The following ZNF318 variants were observed in gnomAD, a reference collection of about 807,000 sequenced individuals.
ZNF318 encodes the protein zinc finger protein 318, also known as endocrine regulator.
Under a neutral mutation model 124.2 loss-of-function variants are expected in ZNF318, and 51 were observed. That is an observed-to-expected ratio of 0.41 (90% CI 0.33 to 0.52). The LOEUF (loss-of-function observed/expected upper bound fraction) is 0.52. Among genes scored for constraint, ZNF318 ranks in the 20% least tolerant of loss-of-function variants. ZNF318 has a pLI of 0.23. For missense variants in ZNF318, 2,815 were observed against 2,811.2 expected, an observed-to-expected ratio of 1.00 and a Z score of -0.03; for synonymous variants, 1,090 against 1,040.7, an observed-to-expected ratio of 1.05 and a Z score of -0.91.
At chr6:43,351,811 TGA>T (rs921283986) in intron 5 of ZNF318, among the ~76,000 whole-genome samples, 6 of 149,884 alleles carry the variant, frequency 4.0e-5, no homozygotes, top group African/African-American at 1.2e-4. Context: ...ACACACAAAT[TGA>T]GAGAGAGAAA....
chr6:43,357,859 A>C (rs1263756040), intron 2 of ZNF318, 94 bp from the exon 3 acceptor site: 2 of 1,178,646 alleles, frequency 1.7e-6, no homozygotes, highest in Non-Finnish European at 2.4e-6. Context: ...GGGGGCTATA[A>C]AATGCTTAGG....
Position 43,368,625 on chromosome 6 carries a change from G to A in ZNF318, c.399+342C>T, listed in dbSNP as rs139126139. 258 of 971,296 alleles carry A rather than the reference G, an allele frequency of 2.7e-4. 5 individuals carry two copies. In the East Asian group the frequency reaches 0.023, roughly 86 times the overall value. 60.2% of individuals were successfully genotyped at this position (971,296 alleles called of 1,614,324 possible). A position where few individuals can be genotyped will look rare whatever the true frequency, so the allele number is the denominator to read the frequency against. ...AAGGGGATGAAAAGTACGGAACCCCGAGGACACATCAACTCTACAAAAAGT... is the reference window on the plus strand; with the variant it reads ...AAGGGGATGAAAAGTACGGAACCCCAAGGACACATCAACTCTACAAAAAGT... On this transcript the variant is annotated intron_variant, in intron 1 of 9. Transcript: ENST00000361428.
At position 43,340,348 on chromosome 6, in the gene ZNF318, G is replaced by T; in HGVS notation, c.3650C>A (p.Ala1217Glu). 6.2e-7 allele frequency: 1 copy of T among 1,613,936 alleles called. No homozygotes were observed. Among genetic ancestry groups the T allele is most frequent in the Non-Finnish European group, 8.5e-7 (1 of 1,180,014 alleles). ...CTCCTTTACTTCTTTCACAGCCTTTGCCTTTTTTTCTTTCTTCTCCTCCTT... is the reference window on the plus strand; with the variant it reads ...CTCCTTTACTTCTTTCACAGCCTTTTCCTTTTTTTCTTTCTTCTCCTCCTT... ...KPKEEKKEKK[A>E]KAVKEVKEDD... Residue 1217 changes from alanine (A) to glutamate (E), a missense_variant, in exon 10 of 10, where the codon GCA becomes GAA. Physicochemically the swap from Ala to Glu is moderately radical, Grantham distance 107. Coordinates refer to ENST00000361428, the MANE Select transcript of ZNF318 (RefSeq NM_014345.3).
intron 2 of ZNF318, among the ~76,000 whole-genome samples, chr6:43,360,528 A>G (rs764553526): frequency 1.3e-5 from 2 of 152,238 alleles, no homozygotes; most frequent in Non-Finnish European, 2.9e-5. Context: ...GAGTTAGGTA[A>G]TAAGGACATG....
chr6:43,338,982 G>A lies in ZNF318; in HGVS notation c.5016C>T (p.Gly1672=), dbSNP rs112872121. The A allele has an allele frequency of 1.2e-6, 2 of 1,614,186 alleles. No individual in the cohort carries two copies. The highest frequency in any genetic ancestry group is 2.7e-5 in the African/African-American group (2 of 75,052). ...VGPKSTGSTY[G]FLQPLTRLCQ... is the part of the protein sequence containing the mutation. ...ACAACCTTGTCAGAGGCTGTAGGAA[G>A]CCATAGGTGCTGCCTGTGCTTTTTG... is the stretch of plus-strand genomic sequence containing the variant. The change falls in exon 10 of 10, where the codon GGC becomes GGT. Residue 1672 remains glycine, a synonymous_variant. Transcript: ENST00000361428.
chr6:43,361,425 G>C (rs895046880), intron 2 of ZNF318, among the ~76,000 whole-genome samples: 5 of 152,178 alleles, frequency 3.3e-5, no homozygotes, highest in African/African-American at 1.2e-4. Flanking sequence ...AATTCACCAG[G>C]TGTGGCAGTG....
intron 2 of ZNF318, among the ~76,000 whole-genome samples, chr6:43,359,442 TAGAAA>T (rs1779652607): frequency 6.6e-6 from 1 of 152,170 alleles, no homozygotes; most frequent in South Asian, 2.1e-4. Context: ...AAATCACAGA[TAGAAA>T]TAAAGATCCT....
chr6:43,365,916 C>G (rs1189045355), intron 1 of ZNF318, among the ~76,000 whole-genome samples: 1 of 152,176 alleles, frequency 6.6e-6, no homozygotes. Flanking sequence ...ACCTCTAACT[C>G]TCCTAAACGG....
rs140889600 is a variant in ZNF318 at position 43,337,851 on chromosome 6, T to C, written c.6147A>G (p.Val2049=). The change falls in exon 10 of 10, where the codon GTA becomes GTG. Residue 2049 remains valine, a synonymous_variant. Transcript: ENST00000361428. The stretch of plus-strand genomic sequence containing the variant: ...CGGAGGAATTACACCCTATAGGTGA[T>C]ACAGAATTTTCTTCACACACTTTCT... The part of the protein sequence containing the change: ...LCQKVCEENS[V]SPIGCNSSDP... 56 of 1,614,216 alleles carry C rather than the reference T, an allele frequency of 3.5e-5. No individual in the cohort carries two copies. The African/African-American group carries it at 6.7e-4, about 19-fold the overall frequency.
chr6:43,354,677 G>C lies in ZNF318; in HGVS notation c.2657C>G (p.Ser886Cys). 1.9e-6 allele frequency: 3 copies of C among 1,602,642 alleles called. 1 individual carries two copies. The highest frequency in any genetic ancestry group is 4.0e-4 in the Middle Eastern group (2 of 5,044). ...GCTAATATTCACCTTTTGCTTCTGG[G>C]AAGCACGGTTCTTCTCATCAGAGAT... ...EKISDEKNRA[S>C]QKQKVIEERE... Residue 886 changes from serine (S) to cysteine (C), a missense_variant, in exon 4 of 10, where the codon TCC (serine) becomes TGC (cysteine). By Grantham distance (112) the Ser-to-Cys change is moderately radical (BLOSUM62 -1). Coordinates refer to ENST00000361428, the MANE Select transcript of ZNF318 (RefSeq NM_014345.3).
intron 6 of ZNF318, among the ~76,000 whole-genome samples, chr6:43,346,152 G>A (rs555396987): frequency 1.9e-4 from 23 of 124,318 alleles, no homozygotes; most frequent in Middle Eastern, 5.7e-3. Flanking sequence ...CGAAGATCAC[G>A]CCACACGCCA....
chr6:43,369,539 CGCGCCCCCGCGGCTGGCGGTTGGAGG>C lies in ZNF318; in HGVS notation c.-200_-175del, dbSNP rs1779810562. The C allele has an allele frequency of 3.6e-6, 1 of 274,084 alleles. No homozygotes were observed. Among genetic ancestry groups the C allele is most frequent in the Admixed American group, 6.5e-5 (1 of 15,374 alleles). 17.0% of individuals were successfully genotyped at this position (274,084 alleles called of 1,614,324 possible). A position where few individuals can be genotyped will look rare whatever the true frequency, so the allele number is the denominator to read the frequency against. Reference sequence around the variant, plus strand: ...GCGTCGCCCCGGGGGCCCGGCCGAGCGCGCCCCCGCGGCTGGCGGTTGGAGGGCGCGAGCACGCGTCCGACACACCC... The same window carrying C: ...GCGTCGCCCCGGGGGCCCGGCCGAGCGCGCGAGCACGCGTCCGACACACCC... On this transcript the variant is annotated 5_prime_UTR_variant, in exon 1 of 10. Transcript: ENST00000361428.
In ZNF318 at chr6:43,355,251, G is replaced by A. The variant is rs756414459; in HGVS notation, c.2083C>T (p.His695Tyr). The change falls in exon 4 of 10, where the codon CAC becomes TAC. Residue 695 changes from histidine (H) to tyrosine (Y), a missense_variant. Physicochemically the swap from His to Tyr is moderately conservative, Grantham distance 83. This residue lies in a region of ZNF318 where 1,377 missense variants were observed against 1,353.5 expected (regional missense o/e 1.02). Coordinates refer to ENST00000361428, the MANE Select transcript of ZNF318 (RefSeq NM_014345.3). ...NTHSPEVSHP[H>Y]PPSPVDPYLL... ...TAAGGATCCACAGGAGAAGGTGGGT[G>A]TGGATGGGACACCTCTGGAGAGTGG... 3.1e-6 allele frequency: 5 copies of A among 1,614,222 alleles called. No individual in the cohort carries two copies. The highest frequency in any genetic ancestry group is 3.4e-6 in the Non-Finnish European group (4 of 1,180,030).
At chr6:43,356,167 AT>A (rs754036221) in intron 3 of ZNF318, 22 bp from the exon 4 acceptor site, 2 of 1,594,082 alleles carry the variant, frequency 1.3e-6, no homozygotes, top group Non-Finnish European at 1.7e-6. Flanking sequence ...AACACAACTG[AT>A]TTAGTCTTAT....
Position 43,338,329 on chromosome 6 carries a change from G to C in ZNF318, c.5669C>G (p.Pro1890Arg). ...PQDTPVKISA[P>R]ELLLHSPARS... ...GGCTGGGGAATGAAGCAGCAACTCT[G>C]GGGCAGAAATTTTCACAGGTGTATC... Residue 1890 changes from proline to arginine, a missense_variant, in exon 10 of 10, where the codon CCA becomes CGA. Pro to Arg is a moderately radical substitution (Grantham distance 103, BLOSUM62 -2). Around this residue, in one of 4 missense-constraint regions of ZNF318, gnomAD observed 927 missense variants for 820.6 expected, o/e 1.13. Transcript: ENST00000361428. 1 of 1,614,142 alleles carries C rather than the reference G, an allele frequency of 6.2e-7. No individual in the cohort carries two copies. The highest frequency in any genetic ancestry group is 8.5e-7 in the Non-Finnish European group (1 of 1,180,018).
chr6:43,339,592 G>T lies in ZNF318; in HGVS notation c.4406C>A (p.Ala1469Glu). ...TTTTACTGGAGCCAAGATAGCATTT[G>T]CTTGAGCAGCAGACGGGGCAGCTGG... ...PHPAAPSAAQ[A>E]NAILAPVKSN... The change falls in exon 10 of 10, where the codon GCA (alanine) becomes GAA (glutamate). Residue 1469 changes from alanine (A) to glutamate (E), a missense_variant. Ala to Glu is a moderately radical substitution (Grantham distance 107, BLOSUM62 -1). This residue lies in a region of ZNF318 where 500 missense variants were observed against 605.2 expected (regional missense o/e 0.83). Transcript: ENST00000361428. The surrounding 1 kb of genome is among the most constrained non-coding windows in gnomAD (Gnocchi z 4.2). 6.2e-7 allele frequency: 1 copy of T among 1,612,886 alleles called. No homozygotes were observed. The highest frequency in any genetic ancestry group is 8.5e-7 in the Non-Finnish European group (1 of 1,179,752).
chr6:43,349,785 T>C (rs970109513), intron 5 of ZNF318, among the ~76,000 whole-genome samples: 1 of 152,100 alleles, frequency 6.6e-6, no homozygotes, highest in African/African-American at 2.4e-5. Flanking sequence ...TGTGTGTGTG[T>C]GCCAAATTTA....
chr6:43,351,382 T>C (rs1001944640), intron 5 of ZNF318, among the ~76,000 whole-genome samples: 1 of 152,192 alleles, frequency 6.6e-6, no homozygotes, highest in Admixed American at 6.5e-5. Flanking sequence ...TTGATAAGTG[T>C]ATTAAAGTTA....
rs780458428 is a variant in ZNF318, at chr6:43,340,080, G to C, written c.3918C>G (p.Asp1306Glu). The part of the protein sequence containing the change: ...SKEEILESSK[D>E]KEDGKTEAGK... Reference sequence around the variant, plus strand: ...CAGCTTCAGTTTTGCCATCCTCTTTGTCCTTACTACTTTCTAGAATCTCTT... The same window carrying C: ...CAGCTTCAGTTTTGCCATCCTCTTTCTCCTTACTACTTTCTAGAATCTCTT... Residue 1306 changes from aspartate to glutamate, a missense_variant, in exon 10 of 10, where the codon GAC becomes GAG. Physicochemically the swap from Asp to Glu is conservative, Grantham distance 45. Around this residue, in one of 4 missense-constraint regions of ZNF318, gnomAD observed 500 missense variants for 605.2 expected, o/e 0.83. Coordinates refer to ENST00000361428, the MANE Select transcript of ZNF318 (RefSeq NM_014345.3). 1 of 1,614,152 alleles carries C rather than the reference G, an allele frequency of 6.2e-7. No homozygotes were observed. The highest frequency in any genetic ancestry group is 1.1e-5 in the South Asian group (1 of 91,084).
Sources: allele counts gnomAD v4.1 joint callset (sites outside exome capture counted in the v4.1 genomes callset), GRCh38; gene constraint gnomAD v4.1.1; regional missense constraint gnomAD v4.1.1; non-coding constraint Gnocchi (gnomAD v3.1); transcripts MANE v1.5; gene names NCBI Gene and HGNC (gene_info 2026-07-23, HGNC 2026-07-21).